TM7SF3: variants seen among roughly 807,000 people sequenced by gnomAD.
The protein encoded by TM7SF3 is transmembrane 7 superfamily member 3.
A neutral mutation model predicts 65.5 loss-of-function variants in TM7SF3; 60 were observed. The observed-to-expected ratio is 0.92, with a 90% CI of 0.74 to 1.14. TM7SF3 has a LOEUF of 1.14. Ranked by LOEUF, TM7SF3 falls within the 50% of genes most tolerant of loss-of-function variation. The pLI, the probability that TM7SF3 is intolerant of heterozygous loss-of-function variation, is 0.00. For missense variants in TM7SF3, 623 were observed against 684.8 expected (o/e 0.91, Z 1.01); for synonymous variants, 264 against 259.6 (o/e 1.02, Z -0.16).
chr12:26,975,351 G>A, intron 11 of TM7SF3, 145 bp downstream of exon 11: 1 of 652,172 alleles, frequency 1.5e-6, no homozygotes. Context: ...CATAACAGAG[G>A]GTTCTCACAG....
chr12:26,999,954 C>T (rs1227063210), intron 2 of TM7SF3, among the ~76,000 whole-genome samples: 1 of 152,166 alleles, frequency 6.6e-6, no homozygotes, highest in Non-Finnish European at 1.5e-5. Context: ...AATTTATTTT[C>T]GCAATTCTAG....
At chr12:26,983,470 G>A in intron 6 of TM7SF3, 1 of 405,898 alleles carries the variant, frequency 2.5e-6, no homozygotes, top group South Asian at 1.8e-5. Flanking sequence ...TTTTTTAAGT[G>A]CTTATCTTTA....
At chr12:27,000,330 AAAT>A (rs1343729031) in intron 2 of TM7SF3, among the ~76,000 whole-genome samples, 1 of 152,240 alleles carries the variant, frequency 6.6e-6, no homozygotes, top group Non-Finnish European at 1.5e-5. Flanking sequence ...TTACTATGTC[AAAT>A]AATGTTTTAT....
intron 9 of TM7SF3, among the ~76,000 whole-genome samples, chr12:26,977,274 T>C (rs1266792230): frequency 2.0e-5 from 3 of 152,242 alleles, no homozygotes; most frequent in Non-Finnish European, 2.9e-5. Flanking sequence ...AAAATACATA[T>C]GTGGCTTTCT....
At chr12:27,009,121 G>C (rs1941151241) in intron 1 of TM7SF3, among the ~76,000 whole-genome samples, 1 of 152,044 alleles carries the variant, frequency 6.6e-6, no homozygotes, top group African/African-American at 2.4e-5. Context: ...CATTCTACTG[G>C]CTTATTTGTC....
intron 6 of TM7SF3, among the ~76,000 whole-genome samples, chr12:26,985,521 AG>A (rs1296759953): frequency 2.0e-5 from 3 of 148,438 alleles, no homozygotes; most frequent in Non-Finnish European, 4.5e-5. Context: ...GATACTCTGG[AG>A]GCTGAGGTAC....
intron 1 of TM7SF3, among the ~76,000 whole-genome samples, chr12:27,010,508 TA>T (rs1362089977): frequency 6.6e-6 from 1 of 152,190 alleles, no homozygotes; most frequent in Non-Finnish European, 1.5e-5. Flanking sequence ...TTTCTGCTCA[TA>T]AAAACAGATT....
At chr12:27,003,039 G>C (rs557718896) in intron 2 of TM7SF3, among the ~76,000 whole-genome samples, 197 bp downstream of exon 2, 1 of 152,284 alleles carries the variant, frequency 6.6e-6, no homozygotes, top group South Asian at 2.1e-4. Context: ...TTTTAGGTCA[G>C]AGACTGCCAC....
At chr12:26,994,895 C>T (rs752637647) in intron 5 of TM7SF3, among the ~76,000 whole-genome samples, 1 of 152,092 alleles carries the variant, frequency 6.6e-6, no homozygotes, top group Non-Finnish European at 1.5e-5. Context: ...TTATTTTTTT[C>T]TCAAAACAAT....
chr12:26,980,655 C>A lies in TM7SF3; in HGVS notation c.956-9G>T, dbSNP rs200589559. Reference sequence around the variant, plus strand: ...GCCTATGAAGAATAATTCTAAGTGGCAAACCACCAGGAAAGGAAAAAAGCA... The same window carrying A: ...GCCTATGAAGAATAATTCTAAGTGGAAAACCACCAGGAAAGGAAAAAAGCA... On this transcript the variant is annotated splice_polypyrimidine_tract_variant and intron_variant, in intron 7 of 11. Coordinates refer to ENST00000343028, the MANE Select transcript of TM7SF3 (RefSeq NM_016551.3). 2.0e-6 allele frequency: 3 copies of A among 1,500,752 alleles called. No individual in the cohort carries two copies. Among genetic ancestry groups the A allele is most frequent in the Non-Finnish European group, 1.8e-6 (2 of 1,097,086 alleles). The allele number at this position is 1,500,752 out of a possible 1,614,324, so 93.0% of individuals were successfully genotyped here. A position where few individuals can be genotyped will look rare whatever the true frequency, so the allele number is the denominator to read the frequency against.
chr12:26,987,502 C>T (rs1004404087), intron 6 of TM7SF3, among the ~76,000 whole-genome samples: 1 of 152,112 alleles, frequency 6.6e-6, no homozygotes, highest in African/African-American at 2.4e-5. Context: ...ACAATTTGAA[C>T]ATGAAAATAA....
chr12:27,001,570 C>T (rs977402826), intron 2 of TM7SF3, among the ~76,000 whole-genome samples: 1 of 152,158 alleles, frequency 6.6e-6, no homozygotes, highest in Non-Finnish European at 1.5e-5. Flanking sequence ...GCTTAAGAAC[C>T]ACTGGCCTAG....
In TM7SF3 at chr12:26,973,841, C is replaced by T. The variant is rs1165095294; in HGVS notation, c.*124G>A. 2 of 1,239,806 alleles carry T rather than the reference C, an allele frequency of 1.6e-6. No individual in the cohort carries two copies. Among genetic ancestry groups the T allele is most frequent in the African/African-American group, 3.0e-5 (2 of 66,464 alleles). 76.8% of individuals were successfully genotyped at this position (1,239,806 alleles called of 1,614,324 possible). A position where few individuals can be genotyped will look rare whatever the true frequency, so the allele number is the denominator to read the frequency against. ...CCCTTACCATATATCAATAAGGGCA[C>T]CATAATATTATGCAAAGAACAGATA... On this transcript the variant is annotated 3_prime_UTR_variant, in exon 12 of 12. Transcript: ENST00000343028.
At chr12:26,975,339 A>G (rs977266958) in intron 11 of TM7SF3, among the ~76,000 whole-genome samples, 157 bp downstream of exon 11, 5 of 152,216 alleles carry the variant, frequency 3.3e-5, no homozygotes, top group African/African-American at 1.2e-4. Context: ...ATCCTGAGTT[A>G]TCATAACAGA....
intron 5 of TM7SF3, among the ~76,000 whole-genome samples, chr12:26,993,029 C>T (rs1229286136): frequency 6.6e-6 from 1 of 151,622 alleles, no homozygotes; most frequent in Non-Finnish European, 1.5e-5. Flanking sequence ...CCTCAGCCTC[C>T]TCAATATCTG....
intron 1 of TM7SF3, among the ~76,000 whole-genome samples, chr12:27,004,159 C>T (rs1940942445): frequency 6.6e-6 from 1 of 152,172 alleles, no homozygotes; most frequent in Non-Finnish European, 1.5e-5. Flanking sequence ...TGACTCTGTC[C>T]CCACTTCTCT....
intron 6 of TM7SF3, among the ~76,000 whole-genome samples, chr12:26,985,899 C>T (rs1208446771): frequency 6.9e-6 from 1 of 145,794 alleles, no homozygotes; most frequent in Admixed American, 6.9e-5. Context: ...CTGCCAGCTC[C>T]GCCTCCCGGG....
intron 7 of TM7SF3, among the ~76,000 whole-genome samples, chr12:26,981,802 A>G (rs892310191): frequency 9.2e-5 from 14 of 152,354 alleles, no homozygotes; most frequent in Middle Eastern, 3.4e-3. Flanking sequence ...CATCACTTAT[A>G]TAAAAAGCAG....
At chr12:26,992,638 C>A (rs942307638) in intron 5 of TM7SF3, among the ~76,000 whole-genome samples, 1 of 152,310 alleles carries the variant, frequency 6.6e-6, no homozygotes, top group Non-Finnish European at 1.5e-5. Context: ...TTATTGAATA[C>A]AGTACACTGT....
Sources: gnomAD v4.1 joint callset for allele counts (sites outside exome capture counted in the v4.1 genomes callset) on GRCh38, gnomAD v4.1.1 for gene constraint, MANE v1.5 for transcripts, NCBI Gene and HGNC (gene_info 2026-07-23, HGNC 2026-07-21) for gene names.